The following CADM2 variants were observed in gnomAD, a reference collection of about 807,000 sequenced individuals.
CADM2 encodes the protein immunoglobulin superfamily member 4D.
In CADM2, 12 loss-of-function variants were observed where a neutral mutation model predicts 49.8. That is an observed-to-expected ratio of 0.24 (90% CI 0.15 to 0.39). The LOEUF is 0.39. Ranked by LOEUF, CADM2 falls within the 10% of genes least tolerant of loss-of-function variation. The pLI is 1.00. For synonymous variants in CADM2, 214 were observed against 175.4 expected (o/e 1.22, Z -1.74); for missense variants, 378 against 492.3 (o/e 0.77, Z 2.20).
At position 85,977,818 on chromosome 3, in the gene CADM2, T is replaced by C. The variant is rs1326176983; in HGVS notation, c.970+16171T>C. Among the ~76,000 whole-genome samples, 4 of 151,518 alleles carry C rather than the reference T, an allele frequency of 2.6e-5. No homozygotes were observed. The Admixed American group carries it at 2.6e-4, about 10-fold the overall frequency. On this transcript the variant is annotated intron_variant, in intron 8 of 9. Transcript: ENST00000383699. ...TCTTAATCTGACTGGCCAGGAAGCA[T>C]TTTCCCTGTCGAAAAACAGGTGTAA...
At chr3:85,002,311 G>C in intron 1 of CADM2, among the ~76,000 whole-genome samples, 1 of 152,108 alleles carries the variant, frequency 6.6e-6, no homozygotes, top group African/African-American at 2.4e-5. Context: ...GCCCCTTGGT[G>C]TTTTCCAAGG....
intron 1 of CADM2, among the ~76,000 whole-genome samples, chr3:85,188,999 C>G (rs2107719541): frequency 6.6e-6 from 1 of 151,378 alleles, no homozygotes; most frequent in East Asian, 1.9e-4. Flanking sequence ...CCACTGAACT[C>G]CAGCCTGGGC....
chr3:85,697,158 AC>A (rs1263079575), intron 1 of CADM2, among the ~76,000 whole-genome samples: 6 of 150,844 alleles, frequency 4.0e-5, no homozygotes, highest in African/African-American at 1.5e-4. Flanking sequence ...TGCACATAGA[AC>A]AGGTAGATTA....
chr3:85,134,392 G>GC (rs1484583504), intron 1 of CADM2, among the ~76,000 whole-genome samples: 1 of 152,248 alleles, frequency 6.6e-6, no homozygotes, highest in Admixed American at 6.5e-5. Context: ...GCGAGCGAGG[G>GC]CCGTGGGGAC....
At chr3:85,684,979 A>T (rs1346273749) in intron 1 of CADM2, among the ~76,000 whole-genome samples, 2 of 152,182 alleles carry the variant, frequency 1.3e-5, no homozygotes, top group Non-Finnish European at 2.9e-5. Flanking sequence ...AAAATGGAGA[A>T]TCGGCCGGGC....
At chr3:85,387,930 A>G (rs892530035) in intron 1 of CADM2, among the ~76,000 whole-genome samples, 4 of 152,178 alleles carry the variant, frequency 2.6e-5, no homozygotes, top group Non-Finnish European at 5.9e-5. Context: ...TAGTTGCTGA[A>G]GAAACAACTG....
chr3:86,018,621 T>A (rs376792619), intron 8 of CADM2, among the ~76,000 whole-genome samples: 1 of 152,244 alleles, frequency 6.6e-6, no homozygotes. Context: ...CATTTCTTGA[T>A]GGCCAGTGAT....
intron 1 of CADM2, among the ~76,000 whole-genome samples, chr3:85,437,587 T>C (rs1370881658): frequency 2.0e-5 from 3 of 152,112 alleles, no homozygotes; most frequent in African/African-American, 7.2e-5. Flanking sequence ...TTAATTTAAA[T>C]TTCCCTGATG....
At chr3:85,082,412 A>C (rs776026999) in intron 1 of CADM2, among the ~76,000 whole-genome samples, 1 of 152,188 alleles carries the variant, frequency 6.6e-6, no homozygotes, top group South Asian at 2.1e-4. Context: ...TTTGCAATAC[A>C]TGGACATAAT....
intron 1 of CADM2, among the ~76,000 whole-genome samples, chr3:85,526,113 C>T (rs1000113423): frequency 1.3e-5 from 2 of 151,614 alleles, no homozygotes; most frequent in African/African-American, 4.8e-5. Flanking sequence ...TCCTGTTCCT[C>T]TAGTGGAACT....
intron 1 of CADM2, among the ~76,000 whole-genome samples, chr3:85,616,986 T>G (rs112294493): frequency 2.0e-5 from 3 of 152,122 alleles, no homozygotes; most frequent in African/African-American, 7.2e-5. Context: ...GAAAACACAC[T>G]CAATGTGTTT....
chr3:85,982,304 C>T (rs1414319656), intron 8 of CADM2, among the ~76,000 whole-genome samples: 4 of 151,316 alleles, frequency 2.6e-5, no homozygotes, highest in Non-Finnish European at 5.9e-5. Flanking sequence ...TTTATTTTTC[C>T]CTTAAACACT....
chr3:85,221,738 C>T (rs2042048995), intron 1 of CADM2, among the ~76,000 whole-genome samples: 1 of 152,108 alleles, frequency 6.6e-6, no homozygotes, highest in Non-Finnish European at 1.5e-5. Flanking sequence ...CCATTGTAAA[C>T]AGGCGTTAGG....
intron 1 of CADM2, among the ~76,000 whole-genome samples, chr3:85,228,312 T>G (rs2042206383): frequency 6.6e-6 from 1 of 152,080 alleles, no homozygotes; most frequent in African/African-American, 2.4e-5. Context: ...TCGTGGAAGC[T>G]TTGTTCACTT....
intron 2 of CADM2, among the ~76,000 whole-genome samples, chr3:85,735,470 A>G (rs2107807924): frequency 6.6e-6 from 1 of 152,256 alleles, no homozygotes; most frequent in East Asian, 1.9e-4. Context: ...AGGTCATGTA[A>G]GGATTTTTGG....
intron 2 of CADM2, among the ~76,000 whole-genome samples, chr3:85,787,389 T>C (rs1331145582): frequency 1.3e-5 from 2 of 152,132 alleles, no homozygotes; most frequent in Admixed American, 1.3e-4. Context: ...AATGAGGTAC[T>C]TGATTGTAAA....
chr3:85,043,991 C>G (rs932039072), intron 1 of CADM2, among the ~76,000 whole-genome samples: 9 of 152,248 alleles, frequency 5.9e-5, no homozygotes, highest in African/African-American at 1.9e-4. Flanking sequence ...TCTAAATCTC[C>G]TTGTGTTCAC....
intron 1 of CADM2, among the ~76,000 whole-genome samples, chr3:85,124,693 G>A (rs376119453): frequency 6.6e-6 from 1 of 152,114 alleles, no homozygotes; most frequent in East Asian, 1.9e-4. Context: ...TTACACCTAA[G>A]CTAAGGAACA....
chr3:85,414,984 C>T (rs575870904), intron 1 of CADM2, among the ~76,000 whole-genome samples: 15 of 152,158 alleles, frequency 9.9e-5, no homozygotes, highest in African/African-American at 2.6e-4. Flanking sequence ...AAGTAAATCA[C>T]GCAAAATGGA....
Sources: gnomAD v4.1 joint callset for allele counts (sites outside exome capture counted in the v4.1 genomes callset) on GRCh38, gnomAD v4.1.1 for gene constraint, MANE v1.5 for transcripts, NCBI Gene and HGNC (gene_info 2026-07-23, HGNC 2026-07-21) for gene names.